The following TG variants were observed in gnomAD, a reference collection of about 807,000 sequenced individuals.
TG encodes thyroid hormones.
A neutral mutation model predicts 324.7 loss-of-function variants in TG; 270 were observed. The observed-to-expected ratio is 0.83, with a 90% CI of 0.75 to 0.92. TG has a LOEUF of 0.92. TG is among the 40% of genes least tolerant of loss of function. The pLI is 0.00. For missense variants in TG, 3,591 were observed against 3,456.4 expected, an observed-to-expected ratio of 1.04 and a Z score of -0.98; for synonymous variants, 1,401 against 1,327.0, an observed-to-expected ratio of 1.06 and a Z score of -1.21.
chr8:132,950,692 T>C (rs1233995058), intron 27 of TG, among the ~76,000 whole-genome samples: 2 of 152,248 alleles, frequency 1.3e-5, no homozygotes, highest in Non-Finnish European at 2.9e-5. Context: ...GGACACCACT[T>C]GTGTGACCTG....
At chr8:133,097,229 CA>C (rs1848562185) in intron 43 of TG, among the ~76,000 whole-genome samples, 1 of 152,236 alleles carries the variant, frequency 6.6e-6, no homozygotes, top group African/African-American at 2.4e-5. Context: ...AGCAACCAAA[CA>C]GGATCCTGAG....
intron 41 of TG, chr8:133,046,435 T>G (rs1203951326): frequency 6.6e-6 from 1 of 152,280 alleles, no homozygotes. Flanking sequence ...CACAGTGCTC[T>G]AGGCCTGCCG....
chr8:132,948,994 G>A, intron 27 of TG, 51 bp downstream of exon 27: 2 of 1,540,166 alleles, frequency 1.3e-6, no homozygotes, highest in Non-Finnish European at 1.8e-6. Context: ...CTTCACACGA[G>A]CAAGGCCCTC....
intron 23 of TG, among the ~76,000 whole-genome samples, chr8:132,931,338 A>G (rs1195301016): frequency 2.6e-5 from 4 of 152,268 alleles, no homozygotes; most frequent in Non-Finnish European, 4.4e-5. Context: ...GAAGGACTAC[A>G]TGATACAAAT....
At position 133,029,978 on chromosome 8, in the gene TG, G is replaced by T. The variant is rs373457446; in HGVS notation, c.7194G>T (p.Thr2398=). The part of the protein sequence containing the change: ...GADVASIHLL[T]ARATNSQLFR... ...ATGTGGCCAGCATCCACCTTCTCAC[G>T]GCCAGGGCCACCAACTCCCAACTTT... The change falls in exon 41 of 48, where the codon ACG becomes ACT. Residue 2398 remains threonine, a synonymous_variant. Transcript: ENST00000220616. 3 of 1,614,098 alleles carry T rather than the reference G, an allele frequency of 1.9e-6. No individual in the cohort carries two copies. The highest frequency in any genetic ancestry group is 2.5e-6 in the Non-Finnish European group (3 of 1,180,022).
At chr8:132,876,809 C>G (rs568263882) in intron 5 of TG, among the ~76,000 whole-genome samples, 2 of 152,346 alleles carry the variant, frequency 1.3e-5, no homozygotes, top group South Asian at 4.1e-4. Flanking sequence ...AGCCTTCAAG[C>G]AGGGCTAATG....
chr8:132,878,702 G>A (rs886540216), intron 5 of TG, among the ~76,000 whole-genome samples: 4 of 151,668 alleles, frequency 2.6e-5, no homozygotes, highest in Admixed American at 6.6e-5. Context: ...TACCAGACTT[G>A]TACCTCCCTC....
intron 45 of TG, among the ~76,000 whole-genome samples, chr8:133,131,474 A>G (rs1275679665): frequency 6.6e-6 from 1 of 152,230 alleles, no homozygotes; most frequent in Non-Finnish European, 1.5e-5. Context: ...GAAGAACACC[A>G]ATATCCAGTG....
At chr8:133,128,300 G>A (rs1052086673) in intron 45 of TG, among the ~76,000 whole-genome samples, 1 of 145,898 alleles carries the variant, frequency 6.9e-6, no homozygotes, top group South Asian at 2.2e-4. Flanking sequence ...GTCCTCACTG[G>A]ACGGCATTCA....
intron 41 of TG, 131 bp from the exon 42 acceptor site, chr8:133,094,913 C>T: frequency 1.6e-6 from 2 of 1,230,418 alleles, no homozygotes; most frequent in South Asian, 1.2e-5. Context: ...TGTGTGCAGC[C>T]CCAGAATGGG....
intron 3 of TG, among the ~76,000 whole-genome samples, chr8:132,870,195 T>G (rs533969310): frequency 3.3e-5 from 5 of 151,976 alleles, no homozygotes; most frequent in African/African-American, 1.2e-4. Context: ...AGCTATCCAG[T>G]TAAGATAATT....
chr8:132,938,187 G>T (rs113209975), intron 25 of TG, among the ~76,000 whole-genome samples: 2 of 152,166 alleles, frequency 1.3e-5, no homozygotes, highest in African/African-American at 4.8e-5. Flanking sequence ...TCTTCAGCTC[G>T]CAGTAGGTAG....
At chr8:132,913,351 C>G in intron 20 of TG, 86 bp downstream of exon 20, 1 of 1,371,934 alleles carries the variant, frequency 7.3e-7, no homozygotes, top group Non-Finnish European at 1.0e-6. Flanking sequence ...AGAGGCTACT[C>G]TGGACATCCA....
At position 132,935,180 on chromosome 8, in the gene TG, G is replaced by A. The variant is rs569797029; in HGVS notation, c.4933-576G>A. Among the ~76,000 whole-genome samples, 6 of 143,076 alleles carry A rather than the reference G, an allele frequency of 4.2e-5. No individual in the cohort carries two copies. The South Asian group carries it at 6.6e-4, about 16-fold the overall frequency. The allele number at this position is 143,076 out of a possible 152,430, so 93.9% of individuals were successfully genotyped here. ...TTTTGAGACAGAGTTTCACTCTGTCGTCCAGGCTGGAGTACAGTGGTGCAA... is the reference window on the plus strand; with the variant it reads ...TTTTGAGACAGAGTTTCACTCTGTCATCCAGGCTGGAGTACAGTGGTGCAA... On this transcript the variant is annotated intron_variant, in intron 24 of 47. Coordinates refer to ENST00000220616, the MANE Select transcript of TG (RefSeq NM_003235.5).
intron 41 of TG, among the ~76,000 whole-genome samples, chr8:133,079,224 A>G (rs938419995): frequency 7.9e-5 from 12 of 152,352 alleles, no homozygotes; most frequent in African/African-American, 2.6e-4. Context: ...GGACTCAAAA[A>G]GACACCCAGT....
In TG at chr8:132,971,874, G is replaced by A. The variant is rs1453464360; in HGVS notation, c.6055+1G>A. 7 of 1,602,338 alleles carry A rather than the reference G, an allele frequency of 4.4e-6. No homozygotes were observed. The highest frequency in any genetic ancestry group is 6.0e-6 in the Non-Finnish European group (7 of 1,169,212). ...TTTCTAAATGTTTCCCAGTTAAAAG[G>A]TAATAATGGTAACAACTTCCTCTCC... On this transcript the variant is annotated splice_donor_variant, in intron 33 of 47. Transcript: ENST00000220616. LOFTEE classifies it high-confidence loss of function.
intron 41 of TG, among the ~76,000 whole-genome samples, chr8:133,039,064 A>T (rs1408357810): frequency 6.6e-6 from 1 of 152,070 alleles, no homozygotes; most frequent in Non-Finnish European, 1.5e-5. Flanking sequence ...TTTTGAGTAG[A>T]GACAGGGTTT....
chr8:133,117,804 T>A (rs551205784), intron 45 of TG, among the ~76,000 whole-genome samples: 1 of 152,344 alleles, frequency 6.6e-6, no homozygotes, highest in South Asian at 2.1e-4. Flanking sequence ...TGGTCTATTT[T>A]ATGGGCAACA....
At chr8:133,025,906 C>T (rs942146101) in intron 40 of TG, among the ~76,000 whole-genome samples, 4 of 152,142 alleles carry the variant, frequency 2.6e-5, no homozygotes, top group Admixed American at 2.0e-4. Context: ...AAACTCTGAG[C>T]AGCTCCTTCC....
Sources: gnomAD v4.1 joint callset for allele counts (sites outside exome capture counted in the v4.1 genomes callset) on GRCh38, gnomAD v4.1.1 for gene constraint, MANE v1.5 for transcripts, NCBI Gene and HGNC (gene_info 2026-07-23, HGNC 2026-07-21) for gene names.